The following GRIP1 variants were observed in gnomAD, a reference collection of about 807,000 sequenced individuals.
GRIP1 encodes glutamate receptor interacting protein 1.
A neutral mutation model predicts 129.9 loss-of-function variants in GRIP1; 45 were observed. The observed-to-expected ratio is 0.35, with a 90% CI of 0.27 to 0.44. GRIP1 has a LOEUF of 0.44. GRIP1 is among the 20% of genes least tolerant of loss of function. GRIP1 has a pLI of 1.00. For missense variants in GRIP1, 1,196 were observed against 1,396.8 expected, an observed-to-expected ratio of 0.86 and a Z score of 2.29; for synonymous variants, 530 against 520.8, an observed-to-expected ratio of 1.02 and a Z score of -0.24.
At chr12:66,668,830 G>T (rs1198855614) in intron 1 of GRIP1, among the ~76,000 whole-genome samples, 1 of 152,016 alleles carries the variant, frequency 6.6e-6, no homozygotes, top group African/African-American at 2.4e-5. Context: ...TGGGGGTTGG[G>T]GGAGTGGCAG....
At chr12:66,895,290 G>A (rs1376238527) in intron 1 of GRIP1, among the ~76,000 whole-genome samples, 1 of 152,172 alleles carries the variant, frequency 6.6e-6, no homozygotes, top group African/African-American at 2.4e-5. Flanking sequence ...TCATGATAGT[G>A]AATAAGTCTC....
intron 7 of GRIP1, among the ~76,000 whole-genome samples, chr12:66,486,001 T>A (rs1384005633): frequency 6.6e-6 from 1 of 152,102 alleles, no homozygotes; most frequent in South Asian, 2.1e-4. Context: ...TACCATATTG[T>A]CTTAATTACT....
chr12:66,983,512 A>G (rs764879152), intron 1 of GRIP1, among the ~76,000 whole-genome samples: 1 of 152,170 alleles, frequency 6.6e-6, no homozygotes, highest in Non-Finnish European at 1.5e-5. Context: ...AACCCAATTT[A>G]CTAGTAAGTT....
At chr12:67,064,182 A>C (rs2043583126) in intron 1 of GRIP1, among the ~76,000 whole-genome samples, 1 of 152,248 alleles carries the variant, frequency 6.6e-6, no homozygotes, top group South Asian at 2.1e-4. Flanking sequence ...AAGCCTTGTC[A>C]AAAGTCCAAA....
intron 1 of GRIP1, among the ~76,000 whole-genome samples, chr12:66,726,998 C>G (rs2036276259): frequency 6.6e-6 from 1 of 152,100 alleles, no homozygotes; most frequent in African/African-American, 2.4e-5. Flanking sequence ...TGTAGTAGTA[C>G]AAAATACAAA....
intron 1 of GRIP1, among the ~76,000 whole-genome samples, chr12:66,973,015 G>A (rs1170160197): frequency 1.3e-5 from 2 of 152,168 alleles, no homozygotes; most frequent in Non-Finnish European, 1.5e-5. Context: ...CATAACAAAT[G>A]AGAGGCTGAG....
intron 1 of GRIP1, among the ~76,000 whole-genome samples, chr12:67,068,693 C>G (rs957450787): frequency 6.7e-6 from 1 of 149,012 alleles, no homozygotes; most frequent in Non-Finnish European, 1.5e-5. Context: ...CCCACCATCA[C>G]CCCCCAGCAC....
intron 1 of GRIP1, among the ~76,000 whole-genome samples, chr12:66,914,139 C>T (rs1054824242): frequency 6.6e-6 from 1 of 152,030 alleles, no homozygotes; most frequent in Non-Finnish European, 1.5e-5. Flanking sequence ...AAATTTTAAC[C>T]ACTTTTCTCA....
chr12:66,568,950 G>A (rs909639307), intron 2 of GRIP1: 1 of 521,768 alleles, frequency 1.9e-6, no homozygotes, highest in African/African-American at 1.9e-5. Flanking sequence ...CAGGTTCCCA[G>A]GGACTAGGTT....
intron 22 of GRIP1, among the ~76,000 whole-genome samples, chr12:66,372,664 G>A (rs1002849051): frequency 4.6e-5 from 7 of 152,058 alleles, no homozygotes; most frequent in African/African-American, 1.7e-4. Flanking sequence ...CAGTGAATTG[G>A]GAAGTTTGTT....
intron 1 of GRIP1, among the ~76,000 whole-genome samples, chr12:66,977,014 C>T (rs772078577): frequency 1.3e-5 from 2 of 152,042 alleles, no homozygotes; most frequent in Admixed American, 6.6e-5. Flanking sequence ...TTCTGGTCCC[C>T]GCTGAGGCCT....
Position 66,379,430 on chromosome 12 carries a change from C to A in GRIP1, c.2471G>T (p.Ser824Ile). 6.2e-7 allele frequency: 1 copy of A among 1,614,126 alleles called. No homozygotes were observed. The highest frequency in any genetic ancestry group is 1.1e-5 in the South Asian group (1 of 91,080). Residue 824 changes from serine to isoleucine, a missense_variant, in exon 20 of 25, where the codon AGT becomes ATT. Coordinates refer to ENST00000359742, the MANE Select transcript of GRIP1 (RefSeq NM_001366722.1). ...IDTSYGTQGT[S>I]FQASGYNFNT... Reference sequence around the variant, plus strand: ...GAAATTGTATCCTGAGGCCTGAAAACTAGTGCCTAAAATATAAACAAGGTG... The same window carrying A: ...GAAATTGTATCCTGAGGCCTGAAAAATAGTGCCTAAAATATAAACAAGGTG...
intron 1 of GRIP1, among the ~76,000 whole-genome samples, chr12:66,819,646 A>T (rs1434919602): frequency 6.6e-6 from 1 of 152,244 alleles, no homozygotes; most frequent in East Asian, 1.9e-4. Context: ...AACTAAACTG[A>T]TAATTTTGAA....
chr12:66,531,160 G>T (rs1171079588), intron 4 of GRIP1, among the ~76,000 whole-genome samples: 1 of 150,180 alleles, frequency 6.7e-6, no homozygotes, highest in African/African-American at 2.4e-5. Flanking sequence ...ACTTGAACCC[G>T]CGGGGGCGGA....
chr12:66,961,534 C>G (rs73315223), intron 1 of GRIP1, among the ~76,000 whole-genome samples: 1 of 151,984 alleles, frequency 6.6e-6, no homozygotes, highest in Non-Finnish European at 1.5e-5. Context: ...CTACAAAAAC[C>G]GGTTTAACCT....
At position 66,766,522 on chromosome 12, in the gene GRIP1, C is replaced by G. The variant is rs181570542; in HGVS notation, c.-420+37531G>C. On this transcript the variant is annotated intron_variant, in intron 1 of 4. Coordinates refer to the GRIP1 transcript ENST00000538373. ...AGACTGTGAGCTCTTGGGGAGCAGA[C>G]ACTGGGCCTTGGTCACCTTTGTGTT... 1.9e-3 allele frequency among the ~76,000 whole-genome samples: 286 copies of G among 152,310 alleles called. 3 individuals carry two copies. The highest frequency in any genetic ancestry group is 6.6e-3 in the African/African-American group (274 of 41,574).
At chr12:66,538,784 G>A (rs753588145) in intron 4 of GRIP1, among the ~76,000 whole-genome samples, 2 of 151,420 alleles carry the variant, frequency 1.3e-5, no homozygotes, top group Non-Finnish European at 2.9e-5. Context: ...TCTATTTTTT[G>A]TAGAGGTGGG....
intron 1 of GRIP1, among the ~76,000 whole-genome samples, chr12:66,979,221 T>C (rs549294668): frequency 2.5e-3 from 46 of 18,718 alleles, no homozygotes; most frequent in African/African-American, 8.5e-3. Flanking sequence ...ACTTCTCTTC[T>C]TAAAAAAAAA....
chr12:66,455,723 A>C (rs1318882856), intron 10 of GRIP1, among the ~76,000 whole-genome samples, 159 bp from the exon 11 acceptor site: 1 of 152,230 alleles, frequency 6.6e-6, no homozygotes, highest in Non-Finnish European at 1.5e-5. Context: ...AGCATGAGAC[A>C]ATGCTTTACA....
Sources: gnomAD v4.1 joint callset for allele counts (sites outside exome capture counted in the v4.1 genomes callset) on GRCh38, gnomAD v4.1.1 for gene constraint, MANE v1.5 for transcripts, NCBI Gene and HGNC (gene_info 2026-07-23, HGNC 2026-07-21) for gene names.